The following ASTN2 variants were observed in gnomAD, a reference collection of about 807,000 sequenced individuals.
ASTN2 encodes the protein astrotactin-2.
In ASTN2, 54 loss-of-function variants were observed where a neutral mutation model predicts 139.8. That is an observed-to-expected ratio of 0.39 (90% CI 0.31 to 0.48). ASTN2 has a LOEUF of 0.48. Among genes scored for constraint, ASTN2 ranks in the 20% least tolerant of loss-of-function variants. The pLI is 0.95. For synonymous variants in ASTN2, 756 were observed against 719.5 expected (o/e 1.05, Z -0.81); for missense variants, 1,565 against 1,725.1 (o/e 0.91, Z 1.64).
intron 2 of ASTN2, among the ~76,000 whole-genome samples, chr9:117,283,231 C>T (rs1357452065): frequency 6.6e-6 from 1 of 152,084 alleles, no homozygotes; most frequent in Non-Finnish European, 1.5e-5. Context: ...ATAAGCATTT[C>T]CTATATTTCC....
Position 117,129,063 on chromosome 9 carries a change from A to C in ASTN2, c.1168+12263T>G, listed in dbSNP as rs114370226. 6.8e-3 allele frequency among the ~76,000 whole-genome samples: 1,033 copies of C among 152,306 alleles called. 11 individuals are homozygous for C. Among genetic ancestry groups the C allele is most frequent in the African/African-American group, 0.023 (974 of 41,580 alleles). On this transcript the variant is annotated intron_variant, in intron 4 of 22. Transcript: ENST00000313400. ...ATTTGGGTGGGCACACAGAGCCAAAACGTATCAGGCAGCTTGAAGGTTATA... is the reference window on the plus strand; with the variant it reads ...ATTTGGGTGGGCACACAGAGCCAAACCGTATCAGGCAGCTTGAAGGTTATA...
chr9:116,984,157 G>A (rs543239979), intron 7 of ASTN2, among the ~76,000 whole-genome samples: 6 of 152,226 alleles, frequency 3.9e-5, no homozygotes, highest in South Asian at 2.1e-4. Context: ...TGATTCTACC[G>A]CTTTGGTTTT....
At chr9:117,063,886 A>C (rs1839371507) in intron 5 of ASTN2, among the ~76,000 whole-genome samples, 1 of 152,096 alleles carries the variant, frequency 6.6e-6, no homozygotes, top group African/African-American at 2.4e-5. Context: ...TGCTAGATGA[A>C]AGCAGAGCTA....
chr9:116,565,388 C>T (rs3040267), intron 19 of ASTN2, among the ~76,000 whole-genome samples: 2,831 of 33,128 alleles, frequency 0.085, 243 homozygotes, highest in East Asian at 0.11. Context: ...TCTCTCTCTC[C>T]ATATATATAT....
At chr9:117,390,389 T>G (rs1830510757) in intron 1 of ASTN2, among the ~76,000 whole-genome samples, 2 of 152,330 alleles carry the variant, frequency 1.3e-5, no homozygotes, top group South Asian at 4.1e-4. Flanking sequence ...GTTCAGTCTT[T>G]GTAGTGTACA....
At chr9:116,581,637 T>C (rs1163847667) in intron 19 of ASTN2, among the ~76,000 whole-genome samples, 1 of 152,236 alleles carries the variant, frequency 6.6e-6, no homozygotes, top group Non-Finnish European at 1.5e-5. Context: ...TCTGAGCTAA[T>C]CTTGCCTCAT....
chr9:116,567,597 C>G (rs1189809758), intron 19 of ASTN2, among the ~76,000 whole-genome samples: 1 of 152,030 alleles, frequency 6.6e-6, no homozygotes, highest in Non-Finnish European at 1.5e-5. Flanking sequence ...CTTGGAGGAC[C>G]CTTCTGGCTG....
At chr9:116,608,487 C>T (rs184689295) in intron 19 of ASTN2, among the ~76,000 whole-genome samples, 3 of 152,226 alleles carry the variant, frequency 2.0e-5, no homozygotes, top group Admixed American at 2.0e-4. Flanking sequence ...GCTTCAGTTC[C>T]ATCTAACAAA....
intron 4 of ASTN2, among the ~76,000 whole-genome samples, chr9:117,109,051 G>C (rs765802418): frequency 6.6e-6 from 1 of 152,094 alleles, no homozygotes; most frequent in Non-Finnish European, 1.5e-5. Context: ...TTGGGAGGCC[G>C]AGGTGGGCGG....
At chr9:117,008,937 C>T (rs1837436464) in intron 6 of ASTN2, among the ~76,000 whole-genome samples, 2 of 152,088 alleles carry the variant, frequency 1.3e-5, no homozygotes, top group Non-Finnish European at 2.9e-5. Context: ...AAAACGGAGA[C>T]AAAGTGAGAT....
In ASTN2 at chr9:116,932,048, G is replaced by A. The variant is rs115549412; in HGVS notation, c.1889+43160C>T. 8.0e-3 allele frequency among the ~76,000 whole-genome samples: 1,217 copies of A among 152,214 alleles called. 21 individuals carry two copies. The highest frequency in any genetic ancestry group is 0.028 in the African/African-American group (1,145 of 41,510). ...GTAGGGGGAAGGGGTAGTAGAGTGT[G>A]AGTTTGAAGAGATAGGACCTTAGAG... On this transcript the variant is annotated intron_variant, in intron 10 of 22. Transcript: ENST00000313400.
chr9:117,311,391 A>T (rs1827972216), intron 1 of ASTN2, among the ~76,000 whole-genome samples: 1 of 152,178 alleles, frequency 6.6e-6, no homozygotes, highest in Admixed American at 6.5e-5. Flanking sequence ...CACCAGAGGC[A>T]CATACCAGTT....
intron 10 of ASTN2, among the ~76,000 whole-genome samples, chr9:116,948,809 T>TTTTTTTTTTTTTTTTTC (rs1835477398): frequency 9.3e-6 from 1 of 107,534 alleles, no homozygotes; most frequent in Non-Finnish European, 2.1e-5. Flanking sequence ...TTTTTTTTTT[T>TTTTTTTTTTTTTTTTTC]TGAGAAGGAG....
intron 19 of ASTN2, among the ~76,000 whole-genome samples, chr9:116,588,112 G>A (rs1564136266): frequency 1.3e-5 from 2 of 152,162 alleles, no homozygotes; most frequent in Admixed American, 1.3e-4. Flanking sequence ...TGGAGAATGA[G>A]GCACTGGGCA....
chr9:116,832,475 T>G (rs1831842472), intron 11 of ASTN2, among the ~76,000 whole-genome samples: 1 of 152,162 alleles, frequency 6.6e-6, no homozygotes, highest in Admixed American at 6.5e-5. Context: ...TCACCATAAA[T>G]ATGTCAGCTG....
chr9:117,079,090 TC>T (rs1828355804), intron 5 of ASTN2, among the ~76,000 whole-genome samples: 1 of 152,198 alleles, frequency 6.6e-6, no homozygotes, highest in Non-Finnish European at 1.5e-5. Flanking sequence ...GTGCAGTGAA[TC>T]ACACCTGTAA....
intron 19 of ASTN2, among the ~76,000 whole-genome samples, chr9:116,544,514 A>G (rs536966083): frequency 6.6e-6 from 1 of 152,318 alleles, no homozygotes; most frequent in African/African-American, 2.4e-5. Flanking sequence ...CATGCCAGAA[A>G]AAGAGGAAAG....
intron 3 of ASTN2, among the ~76,000 whole-genome samples, chr9:117,211,014 T>C (rs1429701071): frequency 6.9e-6 from 1 of 145,070 alleles, no homozygotes; most frequent in Admixed American, 6.8e-5. Flanking sequence ...ATTTTAAATA[T>C]CTCCTCGTGA....
At chr9:117,294,933 C>T (rs1295566792) in intron 1 of ASTN2, among the ~76,000 whole-genome samples, 1 of 152,198 alleles carries the variant, frequency 6.6e-6, no homozygotes, top group African/African-American at 2.4e-5. Flanking sequence ...CTTGGAAAAG[C>T]TGTGCCTGTC....
Sources: allele counts gnomAD v4.1 joint callset (sites outside exome capture counted in the v4.1 genomes callset), GRCh38; gene constraint gnomAD v4.1.1; transcripts MANE v1.5; gene names NCBI Gene and HGNC (gene_info 2026-07-23, HGNC 2026-07-21).